The following FMN1 variants were observed in gnomAD, a reference collection of about 807,000 sequenced individuals.
The protein encoded by FMN1 is formin-1.
Under a neutral mutation model 132.4 loss-of-function variants are expected in FMN1, and 110 were observed. The ratio of observed to expected loss-of-function variants is 0.83; its 90% CI spans 0.71 to 0.97. The LOEUF (loss-of-function observed/expected upper bound fraction) is 0.97. Among genes scored for constraint, FMN1 ranks in the 50% least tolerant of loss-of-function variants. The pLI is 0.00. For synonymous variants in FMN1, 722 were observed against 651.7 expected (o/e 1.11, Z -1.64); for missense variants, 1,792 against 1,705.3 (o/e 1.05, Z -0.90).
intron 7 of FMN1, among the ~76,000 whole-genome samples, chr15:32,978,034 C>T (rs1174169868): frequency 6.6e-6 from 1 of 151,524 alleles, no homozygotes; most frequent in Non-Finnish European, 1.5e-5. Flanking sequence ...TTTTTTTATT[C>T]TTAGTAGAGA....
chr15:33,014,773 C>T (rs2034941288), intron 6 of FMN1, among the ~76,000 whole-genome samples: 1 of 152,186 alleles, frequency 6.6e-6, no homozygotes, highest in Non-Finnish European at 1.5e-5. Flanking sequence ...AACATCCTTC[C>T]TGCCAGGTGT....
At chr15:33,193,057 C>T (rs936038832) in intron 2 of FMN1, among the ~76,000 whole-genome samples, 3 of 152,180 alleles carry the variant, frequency 2.0e-5, no homozygotes, top group Non-Finnish European at 1.5e-5. Flanking sequence ...TCCATTGTTT[C>T]CCTCCATTGA....
At chr15:32,879,547 G>C (rs1256749286) in intron 16 of FMN1, among the ~76,000 whole-genome samples, 1 of 152,144 alleles carries the variant, frequency 6.6e-6, no homozygotes, top group Non-Finnish European at 1.5e-5. Flanking sequence ...AGACTGCAAG[G>C]CCTCTCAGGA....
At chr15:33,026,510 C>G (rs576750462) in intron 6 of FMN1, among the ~76,000 whole-genome samples, 2 of 151,796 alleles carry the variant, frequency 1.3e-5, no homozygotes, top group African/African-American at 2.4e-5. Flanking sequence ...ACAGAATGTA[C>G]ACTCAAACAA....
chr15:32,864,767 C>CATA (rs746215584), intron 16 of FMN1, among the ~76,000 whole-genome samples: 1 of 152,314 alleles, frequency 6.6e-6, no homozygotes, highest in African/African-American at 2.4e-5. Context: ...TCTACACATA[C>CATA]ATAGTGTCTA....
At chr15:32,929,649 C>T (rs1320131326) in intron 9 of FMN1, among the ~76,000 whole-genome samples, 3 of 152,158 alleles carry the variant, frequency 2.0e-5, no homozygotes, top group Non-Finnish European at 4.4e-5. Flanking sequence ...AGTTTGACCA[C>T]CACGGATACC....
At chr15:33,017,137 T>TAAA (rs1435690322) in intron 6 of FMN1, among the ~76,000 whole-genome samples, 5 of 123,246 alleles carry the variant, frequency 4.1e-5, no homozygotes, top group Admixed American at 1.6e-4. Context: ...AAAGCATAAT[T>TAAA]TAAAAAAAAA....
chr15:33,163,298 CTTT>C (rs200600407), intron 3 of FMN1, among the ~76,000 whole-genome samples: 2 of 144,720 alleles, frequency 1.4e-5, no homozygotes, highest in African/African-American at 2.5e-5. Flanking sequence ...CTTGTCTTTT[CTTT>C]TTTTTTTTTT....
intron 19 of FMN1, among the ~76,000 whole-genome samples, chr15:32,782,529 T>C (rs1333477396): frequency 6.6e-6 from 1 of 152,232 alleles, no homozygotes; most frequent in Non-Finnish European, 1.5e-5. Context: ...GATTCCAAGA[T>C]ACTTAAAAGT....
At chr15:32,993,912 T>TA (rs1555375361) in intron 7 of FMN1, among the ~76,000 whole-genome samples, 1 of 86,974 alleles carries the variant, frequency 1.1e-5, no homozygotes, top group African/African-American at 3.7e-5. Flanking sequence ...GGGGGCGGGG[T>TA]GGGGGGGGTC....
At chr15:33,123,863 G>C (rs986420958) in intron 4 of FMN1, among the ~76,000 whole-genome samples, 5 of 152,144 alleles carry the variant, frequency 3.3e-5, no homozygotes, top group Non-Finnish European at 5.9e-5. Context: ...AAAAAGTCCA[G>C]GATTACAGGC....
intron 10 of FMN1, among the ~76,000 whole-genome samples, chr15:32,920,813 T>C (rs1194657933): frequency 6.6e-6 from 1 of 152,230 alleles, no homozygotes; most frequent in Non-Finnish European, 1.5e-5. Flanking sequence ...ACCGTAGCAA[T>C]TCTCTCTCCA....
chr15:33,154,819 A>G lies in FMN1; in HGVS notation c.96T>C (p.Phe32=). 1.3e-6 allele frequency: 2 copies of G among 1,536,142 alleles called. No individual in the cohort carries two copies. The highest frequency in any genetic ancestry group is 1.7e-6 in the Non-Finnish European group (2 of 1,146,916). The change falls in exon 4 of 21, where the codon TTT becomes TTC. Residue 32 remains phenylalanine (F), a synonymous_variant. Coordinates refer to ENST00000616417, the MANE Select transcript of FMN1 (RefSeq NM_001277313.2). ...CTAGAGTTACAGTGCCCTTGTATGA[A>G]AATCCTCTGACTTCCCCCTTTGGAA... ...FCLPKGEVRG[F]SYKGTVTLDR...
intron 17 of FMN1, among the ~76,000 whole-genome samples, chr15:32,832,204 T>C (rs2058519172): frequency 6.6e-6 from 1 of 152,190 alleles, no homozygotes; most frequent in Non-Finnish European, 1.5e-5. Context: ...ATGCAAATAA[T>C]GGTAGCAGGG....
intron 17 of FMN1, among the ~76,000 whole-genome samples, chr15:32,855,057 C>T (rs1287091271): frequency 6.7e-6 from 1 of 149,590 alleles, no homozygotes; most frequent in Non-Finnish European, 1.5e-5. Context: ...AGAGCCTAAC[C>T]TATAGCAGGC....
chr15:32,890,106 T>C (rs2059990466), intron 15 of FMN1, among the ~76,000 whole-genome samples: 1 of 152,016 alleles, frequency 6.6e-6, no homozygotes, highest in African/African-American at 2.4e-5. Context: ...GTTAATTCAT[T>C]CCTTTTTATG....
chr15:32,857,719 T>C (rs1019426414), intron 16 of FMN1, among the ~76,000 whole-genome samples: 5 of 152,232 alleles, frequency 3.3e-5, no homozygotes, highest in Admixed American at 2.6e-4. Flanking sequence ...TTACTTCAGA[T>C]AGACTATCTA....
At chr15:32,780,281 G>A (rs977254982) in intron 19 of FMN1, among the ~76,000 whole-genome samples, 3 of 152,024 alleles carry the variant, frequency 2.0e-5, no homozygotes, top group Admixed American at 6.6e-5. Context: ...ACAAGATACA[G>A]GTCATAAAGA....
chr15:32,845,097 T>C (rs1470142084), intron 17 of FMN1, among the ~76,000 whole-genome samples: 1 of 152,228 alleles, frequency 6.6e-6, no homozygotes, highest in African/African-American at 2.4e-5. Flanking sequence ...TTAAGCTCTT[T>C]CATTATGAAG....
Sources: allele counts gnomAD v4.1 joint callset (sites outside exome capture counted in the v4.1 genomes callset), GRCh38; gene constraint gnomAD v4.1.1; transcripts MANE v1.5; gene names NCBI Gene and HGNC (gene_info 2026-07-23, HGNC 2026-07-21).